CSMD3: variants seen among roughly 807,000 people sequenced by gnomAD.
CSMD3 encodes CUB and sushi domain-containing protein 3.
CSMD3 carries 177 observed loss-of-function variants against 435.2 expected under a neutral mutation model. That is an observed-to-expected ratio of 0.41 (90% CI 0.36 to 0.46). The LOEUF is 0.46. Among genes scored for constraint, CSMD3 ranks in the 20% least tolerant of loss-of-function variants. The pLI, the probability that CSMD3 is intolerant of heterozygous loss-of-function variation, is 0.34. For missense variants in CSMD3, 4,265 were observed against 4,504.6 expected, an observed-to-expected ratio of 0.95 and a Z score of 1.52; for synonymous variants, 1,656 against 1,520.5, an observed-to-expected ratio of 1.09 and a Z score of -2.07.
At chr8:113,338,632 A>C (rs139999328) in intron 1 of CSMD3, among the ~76,000 whole-genome samples, 1 of 152,172 alleles carries the variant, frequency 6.6e-6, no homozygotes, top group East Asian at 1.9e-4. Flanking sequence ...AAAATAAGAT[A>C]TATAGTGAAT....
chr8:112,493,973 C>T (rs1264124512), intron 30 of CSMD3, among the ~76,000 whole-genome samples: 1 of 152,044 alleles, frequency 6.6e-6, no homozygotes, highest in Non-Finnish European at 1.5e-5. Context: ...GAATATGAGT[C>T]ATGGAATCTT....
In CSMD3 at chr8:112,517,192, A is replaced by G. The variant is rs2130989865; in HGVS notation, c.4598T>C (p.Val1533Ala). The change falls in exon 28 of 71, where the codon GTC becomes GCC. Residue 1533 changes from valine to alanine, a missense_variant. This residue lies in a region of CSMD3 where 3,255 missense variants were observed against 3,380.2 expected (regional missense o/e 0.96). Transcript: ENST00000297405. ...CCCATTTCGAGTCCCATTCATGGGGACCCCTGGGTCACGACACGCAGTGGC... is the reference window on the plus strand; with the variant it reads ...CCCATTTCGAGTCCCATTCATGGGGGCCCCTGGGTCACGACACGCAGTGGC... ...SVATACRDPG[V>A]PMNGTRNGDG... 1 of 1,613,594 alleles carries G rather than the reference A, an allele frequency of 6.2e-7. No homozygotes were observed. Among genetic ancestry groups the G allele is most frequent in the Admixed American group, 1.7e-5 (1 of 59,868 alleles).
chr8:112,442,122 G>A (rs148549123), intron 32 of CSMD3, among the ~76,000 whole-genome samples: 2 of 152,266 alleles, frequency 1.3e-5, no homozygotes, highest in African/African-American at 2.4e-5. Flanking sequence ...TATGCCACAT[G>A]GCAAGAGAAG....
chr8:113,169,523 A>G (rs1306050855), intron 4 of CSMD3, among the ~76,000 whole-genome samples: 1 of 152,124 alleles, frequency 6.6e-6, no homozygotes, highest in Non-Finnish European at 1.5e-5. Flanking sequence ...TCATCAATAC[A>G]ATATACCACT....
intron 3 of CSMD3, among the ~76,000 whole-genome samples, chr8:113,236,983 C>T (rs1401752436): frequency 2.6e-5 from 4 of 152,072 alleles, no homozygotes; most frequent in Non-Finnish European, 4.4e-5. Flanking sequence ...ATTCTTTGTT[C>T]ATCAGGTTAA....
intron 2 of CSMD3, among the ~76,000 whole-genome samples, chr8:113,284,206 C>T (rs1441409103): frequency 6.6e-6 from 1 of 152,028 alleles, no homozygotes; most frequent in Admixed American, 6.6e-5. Context: ...TAACCAAATA[C>T]CACCTGTACC....
chr8:113,120,158 C>A (rs1344567004), intron 4 of CSMD3, among the ~76,000 whole-genome samples: 1 of 151,984 alleles, frequency 6.6e-6, no homozygotes, highest in Non-Finnish European at 1.5e-5. Flanking sequence ...AATTCATCTA[C>A]AATCTGCTTC....
chr8:112,759,876 A>G (rs553197227), intron 13 of CSMD3, among the ~76,000 whole-genome samples: 2 of 152,214 alleles, frequency 1.3e-5, no homozygotes, highest in East Asian at 3.9e-4. Context: ...GCTATTATTT[A>G]TTTAGTGTTG....
chr8:112,340,639 A>G (rs1824999909), intron 42 of CSMD3, among the ~76,000 whole-genome samples: 1 of 152,172 alleles, frequency 6.6e-6, no homozygotes, highest in Admixed American at 6.6e-5. Flanking sequence ...GCCATTAGAA[A>G]TAAACTTTAT....
At chr8:112,935,820 T>A (rs2083264389) in intron 9 of CSMD3, among the ~76,000 whole-genome samples, 2 of 152,072 alleles carry the variant, frequency 1.3e-5, no homozygotes, top group African/African-American at 2.4e-5. Flanking sequence ...ATATAGTTTT[T>A]AAAATATTGC....
chr8:113,331,842 T>C (rs369984895), intron 1 of CSMD3, among the ~76,000 whole-genome samples: 1 of 151,778 alleles, frequency 6.6e-6, no homozygotes, highest in Non-Finnish European at 1.5e-5. Flanking sequence ...TGGTGAAAGA[T>C]AGGGCTTTTC....
intron 8 of CSMD3, among the ~76,000 whole-genome samples, chr8:112,952,790 AGC>A (rs2083871366): frequency 6.6e-6 from 1 of 151,608 alleles, no homozygotes; most frequent in African/African-American, 2.4e-5. Context: ...AAAATTATGG[AGC>A]AAATTAACAT....
intron 9 of CSMD3, among the ~76,000 whole-genome samples, chr8:112,934,483 T>C (rs1368138958): frequency 6.6e-6 from 1 of 152,180 alleles, no homozygotes; most frequent in East Asian, 1.9e-4. Context: ...TTCAATATTA[T>C]ACAACTATTA....
intron 6 of CSMD3, among the ~76,000 whole-genome samples, chr8:112,980,467 ATAAAG>A (rs1291873692): frequency 4.0e-5 from 6 of 151,574 alleles, no homozygotes; most frequent in Non-Finnish European, 7.4e-5. Context: ...GTGATATGTA[ATAAAG>A]TAAAATGCCA....
intron 10 of CSMD3, among the ~76,000 whole-genome samples, chr8:112,901,749 C>G (rs541200357): frequency 6.1e-4 from 93 of 151,262 alleles, no homozygotes; most frequent in Middle Eastern, 3.4e-3. Flanking sequence ...CTGGAAATAT[C>G]CTGGGAAATT....
chr8:112,938,260 A>C (rs1204606958), intron 9 of CSMD3, among the ~76,000 whole-genome samples: 1 of 152,202 alleles, frequency 6.6e-6, no homozygotes, highest in Non-Finnish European at 1.5e-5. Flanking sequence ...ACTTTCTCAA[A>C]GAACAATATG....
intron 1 of CSMD3, among the ~76,000 whole-genome samples, chr8:113,364,244 A>ATT (rs74614093): frequency 2.8e-5 from 4 of 145,384 alleles, no homozygotes; most frequent in African/African-American, 1.1e-4. Context: ...ATTAGACTAA[A>ATT]TTTTTTTTTT....
At chr8:112,719,671 T>C (rs979784199) in intron 13 of CSMD3, among the ~76,000 whole-genome samples, 2 of 152,026 alleles carry the variant, frequency 1.3e-5, no homozygotes, top group African/African-American at 4.8e-5. Flanking sequence ...CTTTAACATA[T>C]GAATTTTAGG....
intron 12 of CSMD3, among the ~76,000 whole-genome samples, chr8:112,809,798 A>C (rs1044038896): frequency 1.3e-5 from 2 of 152,102 alleles, no homozygotes; most frequent in Admixed American, 1.3e-4. Flanking sequence ...TTAAAAAAAA[A>C]CTTGCAATTA....
Sources: gnomAD v4.1 joint callset for allele counts (sites outside exome capture counted in the v4.1 genomes callset) on GRCh38, gnomAD v4.1.1 for gene constraint, gnomAD v4.1.1 regional missense constraint, MANE v1.5 for transcripts, NCBI Gene and HGNC (gene_info 2026-07-23, HGNC 2026-07-21) for gene names.